The following PLCG2 variants were observed in gnomAD, a reference collection of about 807,000 sequenced individuals.
PLCG2 encodes the protein 1-phosphatidylinositol 4,5-bisphosphate phosphodiesterase gamma-2.
Under a neutral mutation model 175.6 loss-of-function variants are expected in PLCG2, and 69 were observed. That is an observed-to-expected ratio of 0.39 (90% CI 0.32 to 0.48). The LOEUF (loss-of-function observed/expected upper bound fraction) is 0.48, where lower values mean the gene tolerates loss of function less well. Among genes scored for constraint, PLCG2 ranks in the 20% least tolerant of loss-of-function variants. PLCG2 has a pLI of 0.91. For missense variants in PLCG2, 1,798 were observed against 1,650.9 expected, an observed-to-expected ratio of 1.09 and a Z score of -1.54; for synonymous variants, 827 against 624.0, an observed-to-expected ratio of 1.33 and a Z score of -4.85.
At chr16:81,815,917 C>A (rs966762175) in intron 2 of PLCG2, among the ~76,000 whole-genome samples, 1 of 151,168 alleles carries the variant, frequency 6.6e-6, no homozygotes. Context: ...CAAAAATTAG[C>A]CAGGCATGGT....
chr16:81,798,993 G>A (rs1911599558), intron 2 of PLCG2: 1 of 152,366 alleles, frequency 6.6e-6, no homozygotes, highest in Non-Finnish European at 1.5e-5. Context: ...GTAGTAGCAT[G>A]ACTGAAGGAG....
intron 2 of PLCG2, among the ~76,000 whole-genome samples, chr16:81,802,676 A>C (rs985704082): frequency 6.6e-6 from 1 of 151,646 alleles, no homozygotes. Flanking sequence ...GGTTCAAGCA[A>C]TTCTCATGCC....
chr16:81,848,179 A>G (rs1487277905), intron 2 of PLCG2, among the ~76,000 whole-genome samples: 1 of 152,236 alleles, frequency 6.6e-6, no homozygotes, highest in Non-Finnish European at 1.5e-5. Flanking sequence ...GACCCACACA[A>G]ATATCATCAA....
intron 2 of PLCG2, among the ~76,000 whole-genome samples, chr16:81,801,730 G>T (rs1911728534): frequency 2.6e-5 from 4 of 151,734 alleles, no homozygotes; most frequent in African/African-American, 9.7e-5. Flanking sequence ...ACCCAGGCTG[G>T]AGTGCAGTGG....
At chr16:81,945,926 A>G (rs944478943) in intron 30 of PLCG2, among the ~76,000 whole-genome samples, 8 of 152,154 alleles carry the variant, frequency 5.3e-5, no homozygotes, top group Non-Finnish European at 1.0e-4. Context: ...TGAGTGAATC[A>G]TTTTTATTTC....
At chr16:81,932,535 T>A (rs1467196458) in intron 25 of PLCG2, among the ~76,000 whole-genome samples, 1 of 152,188 alleles carries the variant, frequency 6.6e-6, no homozygotes, top group Non-Finnish European at 1.5e-5. Flanking sequence ...TCCTGGGGCC[T>A]CTTGTGCCCT....
intron 10 of PLCG2, 150 bp from the exon 11 acceptor site, chr16:81,891,322 T>C (rs890811394): frequency 5.5e-5 from 35 of 637,718 alleles, no homozygotes; most frequent in Non-Finnish European, 8.9e-5. Flanking sequence ...CCTTCGGTAT[T>C]GAAAACGTGG....
At chr16:81,879,104 G>T (rs563203474) in intron 7 of PLCG2, among the ~76,000 whole-genome samples, 2 of 152,204 alleles carry the variant, frequency 1.3e-5, no homozygotes, top group Non-Finnish European at 2.9e-5. Flanking sequence ...GGCTTTTTCT[G>T]TGCTTTGTTG....
At chr16:81,854,622 G>A (rs773587967) in intron 3 of PLCG2, 35 bp downstream of exon 3, 1 of 1,597,298 alleles carries the variant, frequency 6.3e-7, no homozygotes, top group East Asian at 2.2e-5. Flanking sequence ...CTCCTTCCCT[G>A]TGCCTTAGTG....
intron 2 of PLCG2, among the ~76,000 whole-genome samples, chr16:81,793,356 C>G (rs766114234): frequency 6.6e-6 from 1 of 152,136 alleles, no homozygotes; most frequent in East Asian, 1.9e-4. Flanking sequence ...GCTCTGGGGC[C>G]TTTCTGAGTT....
At chr16:81,850,774 G>C (rs926033479) in intron 2 of PLCG2, among the ~76,000 whole-genome samples, 1 of 152,162 alleles carries the variant, frequency 6.6e-6, no homozygotes, top group African/African-American at 2.4e-5. Flanking sequence ...TATCTCATTA[G>C]CGTGTTAAAT....
intron 2 of PLCG2, among the ~76,000 whole-genome samples, chr16:81,808,414 G>C (rs1174992066): frequency 6.6e-6 from 1 of 152,142 alleles, no homozygotes; most frequent in East Asian, 1.9e-4. Context: ...TACTGGAGAG[G>C]CTGTGTGGCC....
intron 2 of PLCG2, among the ~76,000 whole-genome samples, chr16:81,802,321 C>T (rs1240841965): frequency 1.3e-5 from 2 of 150,038 alleles, no homozygotes; most frequent in Admixed American, 6.7e-5. Flanking sequence ...ACCGTGTTAG[C>T]CAGGATGGTC....
At position 81,880,551 on chromosome 16, in the gene PLCG2, T is replaced by A. The variant is rs1242680293; in HGVS notation, c.649-359T>A. Reference sequence around the variant, plus strand: ...AACAGGGTTATTTGAGGTTGCAGAATAATATGTAAAGCTTGAAACACAGCA... The same window carrying A: ...AACAGGGTTATTTGAGGTTGCAGAAAAATATGTAAAGCTTGAAACACAGCA... On this transcript the variant is annotated intron_variant, in intron 7 of 32. Coordinates refer to ENST00000564138, the MANE Select transcript of PLCG2 (RefSeq NM_002661.5). Among the ~76,000 whole-genome samples the A allele has an allele frequency of 2.7e-5, 4 of 147,960 alleles. No homozygotes were observed. The East Asian group carries it at 5.9e-4, about 22-fold the overall frequency.
chr16:81,952,982 G>C (rs1418285311), intron 31 of PLCG2, among the ~76,000 whole-genome samples: 3 of 152,204 alleles, frequency 2.0e-5, no homozygotes, highest in African/African-American at 7.2e-5. Flanking sequence ...GAATAAGGCA[G>C]GTTGAAATCA....
At chr16:81,886,862 T>C (rs1035004481) in intron 9 of PLCG2, among the ~76,000 whole-genome samples, 3 of 152,232 alleles carry the variant, frequency 2.0e-5, no homozygotes, top group African/African-American at 7.2e-5. Flanking sequence ...TATTTTTATT[T>C]TCATCCTTAT....
At chr16:81,767,086 A>G (rs1910166478) in intron 2 of PLCG2, 1 of 143,212 alleles carries the variant, frequency 7.0e-6, no homozygotes, top group Non-Finnish European at 1.5e-5. Flanking sequence ...TGCTGTTCCC[A>G]TTGCCTGGAT....
At chr16:81,952,048 G>C (rs551935824) in intron 31 of PLCG2, among the ~76,000 whole-genome samples, 1 of 152,062 alleles carries the variant, frequency 6.6e-6, no homozygotes, top group Non-Finnish European at 1.5e-5. Context: ...GGGAGGAAGG[G>C]ACAAATGGGA....
chr16:81,940,944 A>C (rs1373972786), intron 30 of PLCG2, among the ~76,000 whole-genome samples: 2 of 152,148 alleles, frequency 1.3e-5, no homozygotes, highest in East Asian at 1.9e-4. Context: ...TGCATGGTGC[A>C]TGAGATATGA....
Sources: allele counts gnomAD v4.1 joint callset (sites outside exome capture counted in the v4.1 genomes callset), GRCh38; gene constraint gnomAD v4.1.1; transcripts MANE v1.5; gene names NCBI Gene and HGNC (gene_info 2026-07-23, HGNC 2026-07-21).